Variants in RBMS1 observed in about 807,000 individuals in gnomAD.
The protein encoded by RBMS1 is RNA-binding motif, single-stranded-interacting protein 1.
In RBMS1, 17 loss-of-function variants were observed where a neutral mutation model predicts 62.3. That is an observed-to-expected ratio of 0.27 (90% CI 0.19 to 0.41). The LOEUF (loss-of-function observed/expected upper bound fraction) is 0.41, where lower values mean the gene tolerates loss of function less well. Ranked by LOEUF, RBMS1 falls within the 10% of genes least tolerant of loss-of-function variation. The pLI, the probability that RBMS1 is intolerant of heterozygous loss-of-function variation, is 1.00. For missense variants in RBMS1, 334 were observed against 504.5 expected, an observed-to-expected ratio of 0.66 and a Z score of 3.24; for synonymous variants, 172 against 170.0, an observed-to-expected ratio of 1.01 and a Z score of -0.09.
chr2:160,286,303 C>A (rs77313633), intron 7 of RBMS1, among the ~76,000 whole-genome samples: 1 of 122,492 alleles, frequency 8.2e-6, no homozygotes, highest in African/African-American at 3.0e-5. Context: ...TTCTTCCTTT[C>A]TTTTTTTTTT....
chr2:160,312,705 AATGT>A (rs1303751779), intron 4 of RBMS1, among the ~76,000 whole-genome samples: 1 of 152,158 alleles, frequency 6.6e-6, no homozygotes, highest in Admixed American at 6.6e-5. Context: ...TTATTTGTAT[AATGT>A]ATGTGCCAGT....
intron 10 of RBMS1, chr2:160,279,327 A>C (rs1318557858): frequency 6.6e-6 from 1 of 152,082 alleles, no homozygotes; most frequent in Non-Finnish European, 1.5e-5. Flanking sequence ...TAGTCATTAA[A>C]ATCAAATTAA....
At chr2:160,311,232 C>CTCTCTCTCTCTCTCTCTA (rs1553505424) in intron 4 of RBMS1, among the ~76,000 whole-genome samples, 135 of 79,238 alleles carry the variant, frequency 1.7e-3, no homozygotes, top group Middle Eastern at 7.6e-3. Flanking sequence ...ATCTATCTAT[C>CTCTCTCTCTCTCTCTCTA]TATATATATA....
chr2:160,452,023 T>G (rs181072879), intron 1 of RBMS1, among the ~76,000 whole-genome samples: 2 of 152,292 alleles, frequency 1.3e-5, no homozygotes, highest in Admixed American at 6.5e-5. Flanking sequence ...AAATAAAACC[T>G]GAATAAAAGC....
chr2:160,296,526 C>A (rs542413969), intron 6 of RBMS1, among the ~76,000 whole-genome samples: 1 of 152,280 alleles, frequency 6.6e-6, no homozygotes, highest in East Asian at 1.9e-4. Context: ...GGAGCTACGG[C>A]GGAATAAATA....
At chr2:160,329,736 T>C (rs759404042) in intron 2 of RBMS1, among the ~76,000 whole-genome samples, 15 of 151,842 alleles carry the variant, frequency 9.9e-5, no homozygotes, top group Non-Finnish European at 1.9e-4. Flanking sequence ...CTGCTTGTAG[T>C]TGGCAAGTGT....
intron 1 of RBMS1, chr2:160,408,687 AGGGACTTCCCTT>A (rs1020572934): frequency 4.6e-5 from 7 of 152,234 alleles, no homozygotes; most frequent in African/African-American, 1.7e-4. Flanking sequence ...CAAAGGGAGG[AGGGACTTCCCTT>A]TGTTTCCCGA....
intron 1 of RBMS1, among the ~76,000 whole-genome samples, chr2:160,379,331 A>C (rs1404574969): frequency 6.6e-6 from 1 of 152,212 alleles, no homozygotes; most frequent in East Asian, 1.9e-4. Flanking sequence ...TACAGGGACA[A>C]AGTTTATTTC....
intron 2 of RBMS1, among the ~76,000 whole-genome samples, chr2:160,355,870 A>G (rs1389809116): frequency 6.6e-6 from 1 of 152,084 alleles, no homozygotes; most frequent in Non-Finnish European, 1.5e-5. Flanking sequence ...ACCTCCTTAA[A>G]GGTGGAAAAT....
intron 1 of RBMS1, among the ~76,000 whole-genome samples, chr2:160,400,178 C>T (rs1335255446): frequency 2.0e-5 from 3 of 152,156 alleles, no homozygotes; most frequent in East Asian, 1.9e-4. Flanking sequence ...TTATCTGTAC[C>T]TTGTACTTCT....
At chr2:160,457,881 CA>C (rs1684306201) in intron 1 of RBMS1, among the ~76,000 whole-genome samples, 1 of 151,796 alleles carries the variant, frequency 6.6e-6, no homozygotes, top group African/African-American at 2.4e-5. Context: ...TGCGTGAGGG[CA>C]AAACAAATAT....
chr2:160,487,112 A>C (rs775234868), intron 1 of RBMS1, among the ~76,000 whole-genome samples: 4 of 152,264 alleles, frequency 2.6e-5, no homozygotes, highest in Non-Finnish European at 4.4e-5. Flanking sequence ...TTCGTTTAAA[A>C]TTCTAAGTAC....
At chr2:160,320,488 C>A (rs992249394) in intron 2 of RBMS1, among the ~76,000 whole-genome samples, 1 of 152,146 alleles carries the variant, frequency 6.6e-6, no homozygotes, top group African/African-American at 2.4e-5. Flanking sequence ...AAAACAAAAA[C>A]TCCCAATGTT....
At chr2:160,396,764 C>T (rs1695165459) in intron 1 of RBMS1, among the ~76,000 whole-genome samples, 1 of 151,990 alleles carries the variant, frequency 6.6e-6, no homozygotes, top group Non-Finnish European at 1.5e-5. Context: ...GGGGTTTCAC[C>T]ATGTTGGTCA....
chr2:160,284,469 A>G (rs746716594), intron 9 of RBMS1: 42 of 372,520 alleles, frequency 1.1e-4, no homozygotes, highest in Admixed American at 1.7e-4. Context: ...TTAAGTTTCA[A>G]TTTTTGGGAC....
intron 1 of RBMS1, among the ~76,000 whole-genome samples, chr2:160,441,639 C>T (rs1412648155): frequency 6.6e-6 from 1 of 152,310 alleles, no homozygotes; most frequent in South Asian, 2.1e-4. Context: ...GCAGGAAGAT[C>T]TCTTGAGCCC....
chr2:160,362,824 G>C (rs546121187), intron 2 of RBMS1, among the ~76,000 whole-genome samples: 1 of 152,056 alleles, frequency 6.6e-6, no homozygotes, highest in South Asian at 2.1e-4. Flanking sequence ...AACGAGGTAT[G>C]CCTGTACCCC....
intron 4 of RBMS1, among the ~76,000 whole-genome samples, chr2:160,306,154 T>TAG: frequency 7.0e-6 from 1 of 143,852 alleles, no homozygotes; most frequent in Non-Finnish European, 1.5e-5. Context: ...TGTGTGTGTA[T>TAG]ACACATATAT....
chr2:160,326,759 A>AG (rs1690954750), intron 2 of RBMS1, among the ~76,000 whole-genome samples: 1 of 152,306 alleles, frequency 6.6e-6, no homozygotes, highest in East Asian at 1.9e-4. Flanking sequence ...GACGAGACGG[A>AG]GGGGGTGAAT....
Sources: gnomAD v4.1 joint callset for allele counts (sites outside exome capture counted in the v4.1 genomes callset) on GRCh38, gnomAD v4.1.1 for gene constraint, MANE v1.5 for transcripts, NCBI Gene and HGNC (gene_info 2026-07-23, HGNC 2026-07-21) for gene names.